Variants in MFAP3L observed in about 807,000 individuals in gnomAD.
MFAP3L encodes the protein microfibrillar-associated protein 3-like.
In MFAP3L, 5 loss-of-function variants were observed where a neutral mutation model predicts 20.0. That is an observed-to-expected ratio of 0.25 (90% confidence interval 0.13 to 0.53). The LOEUF is 0.53. MFAP3L is among the 20% of genes least tolerant of loss of function. MFAP3L has a pLI of 0.96. For missense variants in MFAP3L, 409 were observed against 527.5 expected (o/e 0.78, Z 2.20); for synonymous variants, 219 against 213.0 (o/e 1.03, Z -0.25).
At chr4:170,021,581 A>G (rs1383238157) in intron 1 of MFAP3L, among the ~76,000 whole-genome samples, 2 of 152,192 alleles carry the variant, frequency 1.3e-5, no homozygotes, top group African/African-American at 2.4e-5. Context: ...TTCTTTTACC[A>G]CATTGTCTGA....
intron 2 of MFAP3L, among the ~76,000 whole-genome samples, chr4:170,001,671 T>C (rs965521059): frequency 1.3e-5 from 2 of 152,200 alleles, no homozygotes; most frequent in African/African-American, 2.4e-5. Flanking sequence ...TACTATACAT[T>C]TCTACTCACT....
rs1737550199 is a variant in MFAP3L, at chr4:169,990,074, C to G, written c.*1304G>C. On this transcript the variant is annotated 3_prime_UTR_variant, in exon 3 of 3. Coordinates refer to ENST00000361618, the MANE Select transcript of MFAP3L (RefSeq NM_021647.8). ...TTTCAACAGTGCTCAGAGCTCATGT[C>G]ATCTGCCCCTTCTACAGATAAGGGA... The G allele has an allele frequency of 6.6e-6, 1 of 152,270 alleles. No homozygotes were observed. The highest frequency in any genetic ancestry group is 1.5e-5 in the Non-Finnish European group (1 of 68,062). 9.4% of individuals were successfully genotyped at this position (152,270 alleles called of 1,614,324 possible).
intron 1 of MFAP3L, among the ~76,000 whole-genome samples, chr4:170,015,912 T>C (rs893804017): frequency 6.6e-6 from 1 of 152,124 alleles, no homozygotes; most frequent in African/African-American, 2.4e-5. Context: ...TCCGAGCTGT[T>C]CCACAGGGGG....
chr4:170,009,911 A>G (rs1739272496), intron 1 of MFAP3L, among the ~76,000 whole-genome samples: 1 of 152,196 alleles, frequency 6.6e-6, no homozygotes. Context: ...TTCTTGGCAG[A>G]GTCAATTTGG....
intron 2 of MFAP3L, among the ~76,000 whole-genome samples, chr4:170,004,502 C>T (rs1738902049): frequency 6.6e-6 from 1 of 152,194 alleles, no homozygotes; most frequent in Admixed American, 6.5e-5. Context: ...GCAAACCCCA[C>T]ATCCTGGCCA....
At chr4:170,003,249 C>T (rs1738798809) in intron 2 of MFAP3L, among the ~76,000 whole-genome samples, 1 of 152,176 alleles carries the variant, frequency 6.6e-6, no homozygotes, top group Non-Finnish European at 1.5e-5. Flanking sequence ...AGCAAGGCTG[C>T]TGGCTACAAA....
rs939207875 is a variant in MFAP3L at position 169,989,720 on chromosome 4, A to C, written c.*1658T>G. 2.0e-5 allele frequency: 3 copies of C among 152,208 alleles called. No individual in the cohort carries two copies. The highest frequency in any genetic ancestry group is 7.2e-5 in the African/African-American group (3 of 41,452). The allele number at this position is 152,208 out of a possible 1,614,324, so 9.4% of individuals were successfully genotyped here. On this transcript the variant is annotated 3_prime_UTR_variant, in exon 3 of 3. Coordinates refer to ENST00000361618, the MANE Select transcript of MFAP3L (RefSeq NM_021647.8). Reference sequence around the variant, plus strand: ...ACCAATGTGATCCATGCAATCTTGGACATCATAACCCCATTACCTGATGTG... The same window carrying C: ...ACCAATGTGATCCATGCAATCTTGGCCATCATAACCCCATTACCTGATGTG...
At chr4:169,996,017 C>T (rs1164280241) in intron 2 of MFAP3L, among the ~76,000 whole-genome samples, 1 of 128,594 alleles carries the variant, frequency 7.8e-6, no homozygotes, top group Admixed American at 8.2e-5. Context: ...CACCCCCCAC[C>T]CCCCACCCTG....
intron 1 of MFAP3L, among the ~76,000 whole-genome samples, chr4:170,013,568 G>A (rs1383308664): frequency 1.3e-5 from 2 of 152,214 alleles, no homozygotes; most frequent in South Asian, 4.2e-4. Flanking sequence ...ATTGCATACG[G>A]TCATGCAATT....
chr4:170,011,896 A>G (rs1299230880), intron 1 of MFAP3L, among the ~76,000 whole-genome samples: 1 of 152,222 alleles, frequency 6.6e-6, no homozygotes, highest in African/African-American at 2.4e-5. Context: ...AAGCTGACCC[A>G]AAAGAGGAAT....
At chr4:170,019,078 C>T (rs17055393) in intron 1 of MFAP3L, among the ~76,000 whole-genome samples, 6,759 of 152,268 alleles carry the variant, frequency 0.044, 516 homozygotes, top group African/African-American at 0.15. Context: ...AATACCTTTC[C>T]TTGCCTAGGA....
At chr4:170,002,874 A>G (rs1024605669) in intron 2 of MFAP3L, among the ~76,000 whole-genome samples, 9 of 151,946 alleles carry the variant, frequency 5.9e-5, no homozygotes, top group African/African-American at 2.2e-4. Context: ...AAAACACAAA[A>G]AACACCGCTC....
rs1738988891 is a variant in MFAP3L at position 170,005,746 on chromosome 4, G to A, written c.132C>T (p.Gly44=). ...TTCTGGCAATGATTACGGGCACAGA[G>A]CCCAAGACCACGTTAGTGCCATTTA... ...STLNGTNVVL[G]SVPVIIARTD... The change falls in exon 2 of 3, where the codon GGC becomes GGT. Residue 44 remains glycine, a synonymous_variant. Coordinates refer to ENST00000361618, the MANE Select transcript of MFAP3L (RefSeq NM_021647.8). 2.5e-6 allele frequency: 4 copies of A among 1,614,224 alleles called. No homozygotes were observed. The highest frequency in any genetic ancestry group is 3.4e-6 in the Non-Finnish European group (4 of 1,180,044).
chr4:170,005,737 G>A lies in MFAP3L; in HGVS notation c.141C>T (p.Pro47=), dbSNP rs940538669. 1.4e-5 allele frequency: 23 copies of A among 1,614,078 alleles called. No homozygotes were observed. Among genetic ancestry groups the A allele is most frequent in the East Asian group, 2.2e-5 (1 of 44,894 alleles). The part of the protein sequence containing the change: ...NGTNVVLGSV[P]VIIARTDHII... ...TATGGTCAGTTCTGGCAATGATTAC[G>A]GGCACAGAGCCCAAGACCACGTTAG... Residue 47 remains proline, a synonymous_variant, in exon 2 of 3, where the codon CCC becomes CCT. Coordinates refer to ENST00000361618, the MANE Select transcript of MFAP3L (RefSeq NM_021647.8).
rs1319602588 is a variant in MFAP3L at position 169,991,135 on chromosome 4, T to C, written c.*243A>G. 1.3e-5 allele frequency: 7 copies of C among 536,682 alleles called. No homozygotes were observed. Among genetic ancestry groups the C allele is most frequent in the Non-Finnish European group, 2.3e-5 (7 of 304,920 alleles). 33.2% of individuals were successfully genotyped at this position (536,682 alleles called of 1,614,324 possible). On this transcript the variant is annotated 3_prime_UTR_variant, in exon 3 of 3. Transcript: ENST00000361618. The surrounding 1 kb of genome is among the most constrained non-coding windows in gnomAD (Gnocchi z 4.9). Reference sequence around the variant, plus strand: ...GGCAGAGATCAGCCTCTGAAACTCATTATCACATAGACACCTTCTGTCTGG... The same window carrying C: ...GGCAGAGATCAGCCTCTGAAACTCACTATCACATAGACACCTTCTGTCTGG...
intron 2 of MFAP3L, among the ~76,000 whole-genome samples, chr4:169,998,704 G>A (rs1738386923): frequency 1.3e-5 from 2 of 152,186 alleles, no homozygotes; most frequent in South Asian, 4.1e-4. Flanking sequence ...TTCCCAATGA[G>A]TGGTATAAAC....
chr4:170,014,605 G>A (rs981534633), intron 1 of MFAP3L, among the ~76,000 whole-genome samples: 1 of 152,198 alleles, frequency 6.6e-6, no homozygotes, highest in Admixed American at 6.5e-5. Flanking sequence ...AGAGCACATT[G>A]TCTATAAATC....
At position 169,992,739 on chromosome 4, in the gene MFAP3L, AG is replaced by A. The variant is rs1737819980; in HGVS notation, c.299-431del. 6.6e-6 allele frequency among the ~76,000 whole-genome samples: 1 copy of A among 152,356 alleles called. No homozygotes were observed. The highest frequency in any genetic ancestry group is 6.5e-5 in the Admixed American group (1 of 15,308). ...TATTGAAGAGTTCCTTAACTTTAAA[AG>A]CAACTGGTTCTCTAACCTGCCAGTG... On this transcript the variant is annotated intron_variant, in intron 2 of 2. Coordinates refer to ENST00000361618, the MANE Select transcript of MFAP3L (RefSeq NM_021647.8). The surrounding 1 kb of genome is among the most constrained non-coding windows in gnomAD (Gnocchi z 4.3).
At position 169,986,908 on chromosome 4, in the gene MFAP3L, G is replaced by A. The variant is rs1737316955; in HGVS notation, c.*4470C>T. 1 of 152,080 alleles carries A rather than the reference G, an allele frequency of 6.6e-6. No homozygotes were observed. Among genetic ancestry groups the A allele is most frequent in the South Asian group, 2.1e-4 (1 of 4,826 alleles). 9.4% of individuals were successfully genotyped at this position (152,080 alleles called of 1,614,324 possible). On this transcript the variant is annotated 3_prime_UTR_variant, in exon 3 of 3. Transcript: ENST00000361618. ...ATGGTGTCTGAGATATACATTTGGA[G>A]GCTATTTTATTGGCTAAATAAAAAT...
Sources: allele counts gnomAD v4.1 joint callset (sites outside exome capture counted in the v4.1 genomes callset), GRCh38; gene constraint gnomAD v4.1.1; non-coding constraint Gnocchi (gnomAD v3.1); transcripts MANE v1.5; gene names NCBI Gene and HGNC (gene_info 2026-07-23, HGNC 2026-07-21).